RHCG: variants seen among roughly 807,000 people sequenced by gnomAD.
The protein encoded by RHCG is ammonium transporter Rh type C.
A neutral mutation model predicts 55.3 loss-of-function variants in RHCG; 39 were observed. The ratio of observed to expected loss-of-function variants is 0.70; its 90% CI spans 0.55 to 0.92. RHCG has a LOEUF of 0.92. Among genes scored for constraint, RHCG ranks in the 40% least tolerant of loss-of-function variants. The pLI is 0.00. For missense variants in RHCG, 635 were observed against 627.9 expected (o/e 1.01, Z -0.12); for synonymous variants, 250 against 246.8 (o/e 1.01, Z -0.12).
chr15:89,484,036 G>T (rs1036574762), intron 2 of RHCG, among the ~76,000 whole-genome samples: 3 of 152,182 alleles, frequency 2.0e-5, no homozygotes, highest in African/African-American at 7.2e-5. Context: ...TGGATTCCAA[G>T]GCAAGACCCT....
chr15:89,473,153 G>T (rs1312397718), intron 9 of RHCG, among the ~76,000 whole-genome samples: 1 of 152,224 alleles, frequency 6.6e-6, no homozygotes, highest in African/African-American at 2.4e-5. Flanking sequence ...AGTAAGAGTT[G>T]CAAATGCACA....
Position 89,496,528 on chromosome 15 carries a change from T to G in RHCG, c.17A>C (p.Asn6Thr), listed in dbSNP as rs750733114. The G allele has an allele frequency of 6.2e-7, 1 of 1,612,256 alleles. No homozygotes were observed. The highest frequency in any genetic ancestry group is 8.5e-7 in the Non-Finnish European group (1 of 1,179,676). Residue 6 changes from asparagine (N) to threonine (T), a missense_variant, in exon 1 of 11, where the codon AAC becomes ACC. Physicochemically the swap from Asn to Thr is moderately conservative, Grantham distance 65 (BLOSUM62 0). Transcript: ENST00000268122. ...GGTGAGCGGCAGCCGCCAGCGGAGG[T>G]TGGTGTTCCAGGCCATGCTGCAGGG... Reference protein sequence around the residue: MAWNTNLRWRLPLTCL... With the variant: MAWNTTLRWRLPLTCL...
chr15:89,489,090 G>A (rs1021109292), intron 1 of RHCG, among the ~76,000 whole-genome samples: 4 of 151,990 alleles, frequency 2.6e-5, no homozygotes, highest in African/African-American at 9.7e-5. Context: ...AAATAGCTGA[G>A]TCTGAGTTAG....
intron 2 of RHCG, among the ~76,000 whole-genome samples, chr15:89,486,024 A>T (rs114021398): frequency 0.023 from 3,517 of 152,164 alleles, 100 homozygotes; most frequent in African/African-American, 0.068. Flanking sequence ...GTCACTGCAG[A>T]ACAGAGGGAG....
chr15:89,492,010 A>G (rs992723748), intron 1 of RHCG, among the ~76,000 whole-genome samples: 5 of 152,108 alleles, frequency 3.3e-5, no homozygotes, highest in Admixed American at 6.5e-5. Flanking sequence ...CCCATCATAT[A>G]AGTTATTATT....
rs371739676 is a variant in RHCG at position 89,477,805 on chromosome 15, C to T, written c.975+32G>A. 1 of 1,613,334 alleles carries T rather than the reference C, an allele frequency of 6.2e-7. No individual in the cohort carries two copies. Among genetic ancestry groups the T allele is most frequent in the Middle Eastern group, 1.7e-4 (1 of 6,056 alleles). On this transcript the variant is annotated intron_variant, in intron 6 of 10. Transcript: ENST00000268122. The surrounding 1 kb of genome is among the most constrained non-coding windows in gnomAD (Gnocchi z 4.5). ...AGGAACACAAAGACCTCAGCATTCT[C>T]TAGCCCCCAGCCCCTTGCCTGGGGC...
At chr15:89,478,537 C>T (rs148571181) in intron 5 of RHCG, among the ~76,000 whole-genome samples, 1 of 152,128 alleles carries the variant, frequency 6.6e-6, no homozygotes, top group African/African-American at 2.4e-5. Context: ...AATGACTTGT[C>T]CAAGACCACA....
At chr15:89,486,599 A>AGAGAGAGAGTGAGTGT in intron 2 of RHCG, 200 bp downstream of exon 2, 3 of 264,492 alleles carry the variant, frequency 1.1e-5, no homozygotes, top group Middle Eastern at 1.2e-3. Context: ...AGAGAGAGAG[A>AGAGAGAGAGTGAGTGT]GTGTGTGTGT....
intron 3 of RHCG, 71 bp from the exon 4 acceptor site, chr15:89,480,479 C>CCACA: frequency 6.5e-7 from 1 of 1,529,830 alleles, no homozygotes; most frequent in South Asian, 1.2e-5. Flanking sequence ...CCCTGTCTTG[C>CCACA]CACACACACA....
intron 1 of RHCG, among the ~76,000 whole-genome samples, chr15:89,494,982 GT>G (rs1961540094): frequency 1.3e-5 from 2 of 152,270 alleles, no homozygotes; most frequent in East Asian, 1.9e-4. Context: ...TTGCTGGAAA[GT>G]CCCCCCCTTG....
chr15:89,477,180 C>T lies in RHCG; in HGVS notation c.1139G>A (p.Gly380Asp). The T allele has an allele frequency of 6.2e-7, 1 of 1,614,000 alleles. No homozygotes were observed. Among genetic ancestry groups the T allele is most frequent in the South Asian group, 1.1e-5 (1 of 91,052 alleles). The change falls in exon 8 of 11, where the codon GGT becomes GAT. Residue 380 changes from glycine (G) to aspartate (D), a missense_variant. Coordinates refer to ENST00000268122, the MANE Select transcript of RHCG (RefSeq NM_016321.3). The surrounding 1 kb of genome is among the most constrained non-coding windows in gnomAD (Gnocchi z 4.5). ...TCTTGCGGTCCAGTCCCCGTTGAAA[C>T]CTTGAAAGTCAAAGGAATGGACAAG... ...EGLVHSFDFQ[G>D]FNGDWTARTQ...
At chr15:89,486,527 T>C (rs746731744) in intron 2 of RHCG, 1 of 514,346 alleles carries the variant, frequency 1.9e-6, no homozygotes, top group Middle Eastern at 2.9e-4. Context: ...CCCTGGAGAA[T>C]CGCTGATCAG....
At chr15:89,481,090 C>G (rs1222784252) in intron 3 of RHCG, among the ~76,000 whole-genome samples, 2 of 152,330 alleles carry the variant, frequency 1.3e-5, no homozygotes, top group Non-Finnish European at 2.9e-5. Context: ...GCAGATGCCT[C>G]TACTAGCTGT....
intron 2 of RHCG, chr15:89,486,339 C>T (rs1448607458): frequency 4.4e-6 from 2 of 456,664 alleles, no homozygotes; most frequent in Middle Eastern, 3.3e-4. Context: ...TGCAGACATC[C>T]CAGTTCTCCC....
At chr15:89,489,280 C>G (rs922352287) in intron 1 of RHCG, among the ~76,000 whole-genome samples, 2 of 151,366 alleles carry the variant, frequency 1.3e-5, no homozygotes, top group African/African-American at 4.9e-5. Flanking sequence ...CCACACCCAG[C>G]TAATTTTTTT....
In RHCG at chr15:89,483,091, C is replaced by T. The variant is rs372231289; in HGVS notation, c.498G>A (p.Glu166=). The part of the protein sequence containing the change: ...FFQVTLFAVN[E]FILLNLLKVK... ...CCTTTAGCAGGTTAAGGAGAATGAA[C>T]TCATTCACAGCGAAGAGGGTCACTT... Residue 166 remains glutamate, a synonymous_variant, in exon 3 of 11, where the codon GAG becomes GAA. Transcript: ENST00000268122. 20 of 1,602,068 alleles carry T rather than the reference C, an allele frequency of 1.2e-5. No homozygotes were observed. Among genetic ancestry groups the T allele is most frequent in the Admixed American group, 3.3e-5 (2 of 59,848 alleles).
intron 1 of RHCG, among the ~76,000 whole-genome samples, chr15:89,495,165 A>G (rs952590156): frequency 6.6e-6 from 1 of 152,146 alleles, no homozygotes; most frequent in Admixed American, 6.5e-5. Flanking sequence ...GGCACCAAGT[A>G]ACTATTAAAT....
In RHCG at chr15:89,483,196, G is replaced by A. The variant is rs772870931; in HGVS notation, c.393C>T (p.Cys131=). 5.2e-5 allele frequency: 82 copies of A among 1,581,456 alleles called. No homozygotes were observed. The highest frequency in any genetic ancestry group is 6.7e-5 in the Admixed American group (4 of 59,302). The change falls in exon 3 of 11, where the codon TGC becomes TGT. Residue 131 remains cysteine (C), a synonymous_variant. Coordinates refer to ENST00000268122, the MANE Select transcript of RHCG (RefSeq NM_016321.3). The part of the protein sequence containing the change: ...GVENLINADF[C]VASVCVAFGA... ...CAAAGGCCACGCAGACAGAGGCCACGCAGAAGTCAGCGTTGATGAGGCTGT... is the reference window on the plus strand; with the variant it reads ...CAAAGGCCACGCAGACAGAGGCCACACAGAAGTCAGCGTTGATGAGGCTGT...
intron 1 of RHCG, among the ~76,000 whole-genome samples, chr15:89,494,989 C>G (rs920018960): frequency 3.3e-5 from 5 of 152,104 alleles, no homozygotes; most frequent in African/African-American, 1.2e-4. Context: ...AAAGTCCCCC[C>G]CTTGAGGAGA....
Sources: gnomAD v4.1 joint callset for allele counts (sites outside exome capture counted in the v4.1 genomes callset) on GRCh38, gnomAD v4.1.1 for gene constraint, Gnocchi (gnomAD v3.1) non-coding constraint, MANE v1.5 for transcripts, NCBI Gene and HGNC (gene_info 2026-07-23, HGNC 2026-07-21) for gene names.